The following ARHGAP29 variants were observed in gnomAD, a reference collection of about 807,000 sequenced individuals.
ARHGAP29 encodes the protein Rho GTPase activating protein 29, also known as rho GTPase-activating protein 29.
ARHGAP29 carries 43 observed loss-of-function variants against 122.6 expected under a neutral mutation model. The observed-to-expected ratio is 0.35, with a 90% CI of 0.27 to 0.45. The LOEUF (loss-of-function observed/expected upper bound fraction) is 0.45, where lower values mean the gene tolerates loss of function less well. ARHGAP29 is among the 20% of genes least tolerant of loss of function. The probability of loss-of-function intolerance (pLI) is 1.00; values close to 1 mark genes in which losing one functional copy is unlikely to be tolerated. For synonymous variants in ARHGAP29, 506 were observed against 497.1 expected (o/e 1.02, Z -0.24); for missense variants, 1,303 against 1,477.2 (o/e 0.88, Z 1.93).
At chr1:94,271,715 A>G (rs1655001229) in intron 1 of ARHGAP29, among the ~76,000 whole-genome samples, 1 of 152,198 alleles carries the variant, frequency 6.6e-6, no homozygotes, top group Admixed American at 6.5e-5. Flanking sequence ...AAGAATACAA[A>G]AGGTGGAACA....
At chr1:94,175,081 T>C (rs947856327) in intron 22 of ARHGAP29, among the ~76,000 whole-genome samples, 26 of 152,180 alleles carry the variant, frequency 1.7e-4, no homozygotes, top group Non-Finnish European at 2.1e-4. Context: ...TAGGCAGACA[T>C]TGGAAAATTA....
At chr1:94,229,228 G>C (rs1035136420) in intron 2 of ARHGAP29, among the ~76,000 whole-genome samples, 1 of 151,706 alleles carries the variant, frequency 6.6e-6, no homozygotes, top group African/African-American at 2.4e-5. Context: ...CATGACTATA[G>C]GGATACATGT....
chr1:94,289,552 G>A, the ARHGAP29 span, among the ~76,000 whole-genome samples: 1 of 152,210 alleles, frequency 6.6e-6, no homozygotes, highest in Non-Finnish European at 1.5e-5. Flanking sequence ...GTAAGAGAGG[G>A]CATCCTTGTC....
intron 3 of ARHGAP29, among the ~76,000 whole-genome samples, chr1:94,218,851 T>C (rs996629640): frequency 6.6e-6 from 1 of 152,162 alleles, no homozygotes; most frequent in African/African-American, 2.4e-5. Flanking sequence ...AAGGTTTTTA[T>C]TTTCCTTTCC....
the ARHGAP29 span, among the ~76,000 whole-genome samples, chr1:94,306,156 T>G: frequency 6.6e-6 from 1 of 152,218 alleles, no homozygotes; most frequent in East Asian, 1.9e-4. Context: ...GCCCTGGGTA[T>G]CATTGGGATT....
At chr1:94,289,660 C>T in the ARHGAP29 span, among the ~76,000 whole-genome samples, 51 of 152,210 alleles carry the variant, frequency 3.4e-4, no homozygotes, top group East Asian at 1.2e-3. Flanking sequence ...TTTTGAGATA[C>T]GTTCCGTCAA....
intron 1 of ARHGAP29, among the ~76,000 whole-genome samples, chr1:94,236,949 T>C (rs1213112223): frequency 6.6e-6 from 1 of 152,118 alleles, no homozygotes; most frequent in East Asian, 1.9e-4. Context: ...CAAAAGCGCC[T>C]GGGTTTAGGT....
intron 11 of ARHGAP29, 111 bp downstream of exon 11, chr1:94,202,433 T>C: frequency 7.7e-7 from 1 of 1,306,092 alleles, no homozygotes; most frequent in Non-Finnish European, 1.1e-6. Context: ...GGCTTAGCCA[T>C]GTTTTAACAT....
rs201841464 is a variant in ARHGAP29, at chr1:94,189,985, G to A, written c.1380C>T (p.Gly460=). 6.2e-7 allele frequency: 1 copy of A among 1,613,274 alleles called. No homozygotes were observed. The highest frequency in any genetic ancestry group is 1.7e-5 in the Admixed American group (1 of 59,898). Residue 460 remains glycine, a synonymous_variant, in exon 13 of 23, where the codon GGC becomes GGT. Transcript: ENST00000260526. ...LCDSAKLYDP[G]QEYSEFVKAT... is the part of the protein sequence containing the mutation. ...CCTTGACAAATTCACTGTACTCTTGGCCTGGGTCATAGAGTTTGGCACTAT... is the reference window on the plus strand; with the variant it reads ...CCTTGACAAATTCACTGTACTCTTGACCTGGGTCATAGAGTTTGGCACTAT...
chr1:94,179,280 T>C (rs1281863082), intron 20 of ARHGAP29, among the ~76,000 whole-genome samples: 2 of 152,152 alleles, frequency 1.3e-5, no homozygotes, highest in Admixed American at 6.5e-5. Flanking sequence ...TGCAACAATA[T>C]GAACACACTT....
chr1:94,219,854 A>G (rs1044373869), intron 3 of ARHGAP29, among the ~76,000 whole-genome samples: 1 of 152,202 alleles, frequency 6.6e-6, no homozygotes, highest in Non-Finnish European at 1.5e-5. Context: ...GGTCCCAATT[A>G]AGCCTTCTTT....
At chr1:94,291,229 C>T in the ARHGAP29 span, among the ~76,000 whole-genome samples, 2,212 of 152,038 alleles carry the variant, frequency 0.015, 52 homozygotes, top group African/African-American at 0.049. Context: ...TATCAGAGAC[C>T]AGGATTGCAA....
At chr1:94,217,865 A>C (rs1305380715) in intron 3 of ARHGAP29, among the ~76,000 whole-genome samples, 1 of 151,564 alleles carries the variant, frequency 6.6e-6, no homozygotes, top group African/African-American at 2.4e-5. Flanking sequence ...AAAAACAAAA[A>C]AAAAAAAACT....
intron 1 of ARHGAP29, among the ~76,000 whole-genome samples, chr1:94,250,079 A>T (rs1474812774): frequency 2.0e-5 from 3 of 152,120 alleles, no homozygotes; most frequent in Non-Finnish European, 4.4e-5. Flanking sequence ...CAAAAACCTC[A>T]TGTCTAAAGC....
intron 1 of ARHGAP29, among the ~76,000 whole-genome samples, chr1:94,266,227 C>T (rs1365610332): frequency 2.6e-5 from 4 of 152,188 alleles, no homozygotes; most frequent in Non-Finnish European, 1.5e-5. Context: ...GTGAGTCAGC[C>T]AGGCTCAAAA....
At chr1:94,265,157 C>T (rs1280217321) in intron 1 of ARHGAP29, among the ~76,000 whole-genome samples, 1 of 152,244 alleles carries the variant, frequency 6.6e-6, no homozygotes, top group African/African-American at 2.4e-5. Context: ...TTAGGTCCTT[C>T]CTGACTCATT....
In ARHGAP29 at chr1:94,177,730, C is replaced by T. The variant is rs778541212; in HGVS notation, c.2797-10G>A. 1 of 1,598,352 alleles carries T rather than the reference C, an allele frequency of 6.3e-7. No homozygotes were observed. Among genetic ancestry groups the T allele is most frequent in the African/African-American group, 1.3e-5 (1 of 74,114 alleles). On this transcript the variant is annotated splice_polypyrimidine_tract_variant and intron_variant, in intron 21 of 22. Transcript: ENST00000260526. ...CTGAAGTATGGATATCCTGTTGATG[C>T]AAGATAATTTTTAAAATGGAAGAAG...
intron 1 of ARHGAP29, among the ~76,000 whole-genome samples, chr1:94,235,894 G>A (rs980578111): frequency 5.9e-5 from 9 of 152,130 alleles, no homozygotes; most frequent in African/African-American, 2.2e-4. Context: ...CCCCACGCAT[G>A]CCCCCTGCCA....
In ARHGAP29 at chr1:94,209,310, A is replaced by T. The variant is rs1477317624; in HGVS notation, c.381T>A (p.Asp127Glu). 6.2e-7 allele frequency: 1 copy of T among 1,609,724 alleles called. No homozygotes were observed. The highest frequency in any genetic ancestry group is 1.3e-5 in the African/African-American group (1 of 74,824). Reference sequence around the variant, plus strand: ...TAGAAGAAAACACTTCCTGGAAGAGATCGTTTTTGTTTTCTTCATTAACTT... The same window carrying T: ...TAGAAGAAAACACTTCCTGGAAGAGTTCGTTTTTGTTTTCTTCATTAACTT... ...FTEVNEENKN[D>E]LFQEVFSSIE... Residue 127 changes from aspartate to glutamate, a missense_variant, in exon 4 of 23, where the codon GAT (aspartate) becomes GAA (glutamate). Coordinates refer to ENST00000260526, the MANE Select transcript of ARHGAP29 (RefSeq NM_004815.4).
Sources: allele counts gnomAD v4.1 joint callset (sites outside exome capture counted in the v4.1 genomes callset), GRCh38; gene constraint gnomAD v4.1.1; transcripts MANE v1.5; gene names NCBI Gene and HGNC (gene_info 2026-07-23, HGNC 2026-07-21).